Variants in SLC4A10 observed in about 807,000 individuals in gnomAD.
SLC4A10 encodes solute carrier family 4 member 10, also known as sodium-driven chloride bicarbonate exchanger.
In SLC4A10, 42 loss-of-function variants were observed where a neutral mutation model predicts 137.7. The observed-to-expected ratio is 0.30, with a 90% CI of 0.24 to 0.39. The LOEUF (loss-of-function observed/expected upper bound fraction) is 0.39. Among genes scored for constraint, SLC4A10 ranks in the 10% least tolerant of loss-of-function variants. SLC4A10 has a pLI of 1.00. For synonymous variants in SLC4A10, 474 were observed against 464.1 expected (o/e 1.02, Z -0.27); for missense variants, 925 against 1,355.0 (o/e 0.68, Z 4.98).
chr2:161,920,211 A>G lies in SLC4A10; in HGVS notation c.1997+14324A>G, dbSNP rs565198435. Among the ~76,000 whole-genome samples the G allele has an allele frequency of 3.9e-5, 6 of 152,324 alleles. No individual in the cohort carries two copies. In the East Asian group the frequency reaches 1.2e-3, roughly 29 times the overall value. On this transcript the variant is annotated intron_variant, in intron 15 of 26. Coordinates refer to ENST00000446997, the MANE Select transcript of SLC4A10 (RefSeq NM_001178015.2). Reference sequence around the variant, plus strand: ...TGGGCAGAATGAGCCCAGAGGGCCCAAGCAAAACTCAGGCAAAGGCACCAC... The same window carrying G: ...TGGGCAGAATGAGCCCAGAGGGCCCGAGCAAAACTCAGGCAAAGGCACCAC...
At chr2:161,794,344 A>G (rs948414230) in intron 2 of SLC4A10, among the ~76,000 whole-genome samples, 1 of 152,194 alleles carries the variant, frequency 6.6e-6, no homozygotes, top group Non-Finnish European at 1.5e-5. Flanking sequence ...ACTGTATCGT[A>G]TACTTAAAAT....
At chr2:161,790,344 C>T (rs2054066593) in intron 2 of SLC4A10, among the ~76,000 whole-genome samples, 1 of 152,142 alleles carries the variant, frequency 6.6e-6, no homozygotes, top group Non-Finnish European at 1.5e-5. Context: ...ATCTTCTCTG[C>T]TGTACCACAA....
chr2:161,795,362 G>A (rs1042916413), intron 2 of SLC4A10, among the ~76,000 whole-genome samples: 3 of 151,978 alleles, frequency 2.0e-5, no homozygotes, highest in African/African-American at 7.3e-5. Flanking sequence ...ATGGCTTTGG[G>A]GCAATTGCTT....
At chr2:161,638,546 A>T (rs2034795113) in intron 1 of SLC4A10, among the ~76,000 whole-genome samples, 1 of 152,142 alleles carries the variant, frequency 6.6e-6, no homozygotes, top group Admixed American at 6.5e-5. Context: ...TGTATTTTGA[A>T]GTCAGGTAGT....
At chr2:161,840,065 T>C in intron 4 of SLC4A10, 138 bp downstream of exon 4, 1 of 1,016,152 alleles carries the variant, frequency 9.8e-7, no homozygotes, top group Non-Finnish European at 1.5e-6. Context: ...CCTGAGCATA[T>C]CCTATAACGG....
At chr2:161,750,067 C>T (rs905389054) in intron 1 of SLC4A10, among the ~76,000 whole-genome samples, 12 of 151,490 alleles carry the variant, frequency 7.9e-5, no homozygotes, top group Admixed American at 1.3e-4. Flanking sequence ...ACTTGTGATC[C>T]TTTTTATTTC....
At chr2:161,930,433 G>A (rs1187376750) in intron 15 of SLC4A10, among the ~76,000 whole-genome samples, 2 of 151,824 alleles carry the variant, frequency 1.3e-5, no homozygotes, top group African/African-American at 4.8e-5. Context: ...TGAAACTCTA[G>A]GAATAGTACT....
intron 1 of SLC4A10, among the ~76,000 whole-genome samples, chr2:161,646,026 C>A (rs1284346881): frequency 5.9e-5 from 9 of 152,020 alleles, no homozygotes; most frequent in African/African-American, 1.7e-4. Context: ...AAAAGTTTGA[C>A]AGAAGCTTAA....
intron 6 of SLC4A10, among the ~76,000 whole-genome samples, chr2:161,864,289 G>A (rs2060608425): frequency 6.6e-6 from 1 of 152,138 alleles, no homozygotes; most frequent in Non-Finnish European, 1.5e-5. Flanking sequence ...TTCCACGAAT[G>A]GATGAAAGCA....
intron 15 of SLC4A10, among the ~76,000 whole-genome samples, chr2:161,927,307 T>TTTCATCTTCCATCACTG (rs1689347022): frequency 6.6e-6 from 1 of 152,216 alleles, no homozygotes. Context: ...ATTTCATTCA[T>TTTCATCTTCCATCACTG]TTCATCTTCC....
At chr2:161,930,804 G>C (rs892152076) in intron 15 of SLC4A10, among the ~76,000 whole-genome samples, 14 of 152,118 alleles carry the variant, frequency 9.2e-5, no homozygotes, top group African/African-American at 3.4e-4. Context: ...GTAAGATTAA[G>C]AAAGGAGGGA....
intron 1 of SLC4A10, among the ~76,000 whole-genome samples, chr2:161,694,098 C>T (rs2042260165): frequency 6.6e-6 from 1 of 151,950 alleles, no homozygotes; most frequent in South Asian, 2.1e-4. Flanking sequence ...TTACCTTTAT[C>T]CTACAATAAT....
chr2:161,794,173 G>C (rs2054511707), intron 2 of SLC4A10, among the ~76,000 whole-genome samples: 1 of 152,010 alleles, frequency 6.6e-6, no homozygotes, highest in African/African-American at 2.4e-5. Context: ...GCCAACTCTA[G>C]TGGCCTTCTG....
chr2:161,814,085 G>A (rs1445675813), intron 3 of SLC4A10, among the ~76,000 whole-genome samples: 1 of 151,860 alleles, frequency 6.6e-6, no homozygotes. Context: ...AACTCAACAA[G>A]CAAAAATCAA....
chr2:161,872,934 G>A (rs748826873), intron 7 of SLC4A10, among the ~76,000 whole-genome samples: 9 of 152,004 alleles, frequency 5.9e-5, no homozygotes, highest in African/African-American at 1.9e-4. Flanking sequence ...GGCTGGTCTC[G>A]AACTCCTGAC....
chr2:161,903,921 C>T, intron 12 of SLC4A10, 83 bp from the exon 13 acceptor site: 4 of 1,365,306 alleles, frequency 2.9e-6, no homozygotes, highest in Non-Finnish European at 4.0e-6. Context: ...TATACTGTGA[C>T]CTGGCAACAA....
intron 1 of SLC4A10, among the ~76,000 whole-genome samples, chr2:161,748,122 G>T (rs187666378): frequency 1.3e-5 from 2 of 151,996 alleles, no homozygotes. Flanking sequence ...TATTTGGGGG[G>T]TTTTTGCTAT....
intron 1 of SLC4A10, among the ~76,000 whole-genome samples, chr2:161,629,660 G>C (rs1421091151): frequency 6.6e-6 from 1 of 151,752 alleles, no homozygotes; most frequent in Non-Finnish European, 1.5e-5. Flanking sequence ...GTATTATACA[G>C]AGTCATTTCA....
chr2:161,625,266 G>A (rs1045166218), intron 1 of SLC4A10, among the ~76,000 whole-genome samples: 5 of 152,022 alleles, frequency 3.3e-5, no homozygotes, highest in African/African-American at 1.2e-4. Flanking sequence ...GGGTTCTTAA[G>A]CTGTTTCCCT....
Sources: allele counts gnomAD v4.1 joint callset (sites outside exome capture counted in the v4.1 genomes callset), GRCh38; gene constraint gnomAD v4.1.1; transcripts MANE v1.5; gene names NCBI Gene and HGNC (gene_info 2026-07-23, HGNC 2026-07-21).